OLFM1: variants seen among roughly 807,000 people sequenced by gnomAD.
The protein encoded by OLFM1 is noelin.
Under a neutral mutation model 49.7 loss-of-function variants are expected in OLFM1, and 9 were observed. The ratio of observed to expected loss-of-function variants is 0.18; its 90% CI spans 0.11 to 0.32. OLFM1 has a LOEUF of 0.32. OLFM1 is among the 10% of genes least tolerant of loss of function. The probability of loss-of-function intolerance (pLI) is 1.00; values close to 1 mark genes in which losing one functional copy is unlikely to be tolerated. For missense variants in OLFM1, 369 were observed against 661.8 expected (o/e 0.56, Z 4.85); for synonymous variants, 240 against 271.8 (o/e 0.88, Z 1.15).
At chr9:135,077,808 C>T (rs1830487151) in intron 1 of OLFM1, among the ~76,000 whole-genome samples, 1 of 152,258 alleles carries the variant, frequency 6.6e-6, no homozygotes, top group Non-Finnish European at 1.5e-5. Context: ...CTTTCGGAAT[C>T]TTGCATTGGA....
At chr9:135,101,582 C>T (rs1830870527) in intron 4 of OLFM1, among the ~76,000 whole-genome samples, 1 of 152,266 alleles carries the variant, frequency 6.6e-6, no homozygotes, top group African/African-American at 2.4e-5. Flanking sequence ...AACCTCTCCT[C>T]TCGGGCATCC....
chr9:135,102,791 C>T (rs1490840669), intron 4 of OLFM1, among the ~76,000 whole-genome samples: 1 of 152,196 alleles, frequency 6.6e-6, no homozygotes, highest in Non-Finnish European at 1.5e-5. Context: ...GCTCAGAGGA[C>T]AGGCAGCAGG....
chr9:135,078,566 T>C (rs1830496135), intron 1 of OLFM1, among the ~76,000 whole-genome samples: 1 of 152,208 alleles, frequency 6.6e-6, no homozygotes, highest in African/African-American at 2.4e-5. Context: ...CAGAAAGACA[T>C]TTCACATGGT....
At chr9:135,118,020 A>G (rs1354616907) in intron 5 of OLFM1, among the ~76,000 whole-genome samples, 1 of 152,162 alleles carries the variant, frequency 6.6e-6, no homozygotes, top group African/African-American at 2.4e-5. Context: ...TTTGGTTGTG[A>G]CTACTCTTTC....
At position 135,120,695 on chromosome 9, in the gene OLFM1, C is replaced by A; in HGVS notation, c.*517C>A. Reference sequence around the variant, plus strand: ...ACCGTGCTGAGGCTCCACATAGCTCCTGGACCTGTGTCTAGTACATACTGA... The same window carrying A: ...ACCGTGCTGAGGCTCCACATAGCTCATGGACCTGTGTCTAGTACATACTGA... On this transcript the variant is annotated 3_prime_UTR_variant, in exon 6 of 6. Coordinates refer to ENST00000371793, the MANE Select transcript of OLFM1 (RefSeq NM_001282611.2). 5.9e-6 allele frequency: 1 copy of A among 168,782 alleles called. No homozygotes were observed. The highest frequency in any genetic ancestry group is 1.3e-5 in the Non-Finnish European group (1 of 78,238). 10.5% of individuals were successfully genotyped at this position (168,782 alleles called of 1,614,324 possible). A position where few individuals can be genotyped will look rare whatever the true frequency, so the allele number is the denominator to read the frequency against.
chr9:135,095,366 G>A (rs1830774303), intron 2 of OLFM1: 1 of 153,406 alleles, frequency 6.5e-6, no homozygotes, highest in Admixed American at 6.5e-5. Flanking sequence ...TTATCAGCAA[G>A]ACAGTCAATG....
chr9:135,075,663 CCGCGTCCACG>C, exon 1 of OLFM1: 1 of 1,438,086 alleles, frequency 7.0e-7, no homozygotes, highest in South Asian at 1.2e-5. Flanking sequence ...CGGAGCGCGT[CCGCGTCCACG>C]CAGCCGCCGG....
In OLFM1 at chr9:135,098,579, G is replaced by A. The variant is rs1349673929; in HGVS notation, c.676+74G>A. ...CACACGCACAGGCTTAGGGAGTGGT[G>A]CTGAAGTGGACAGCGCCCGCCTGGC... On this transcript the variant is annotated intron_variant, in intron 4 of 5. Transcript: ENST00000371793. The surrounding 1 kb of genome is among the most constrained non-coding windows in gnomAD (Gnocchi z 5.6). The A allele has an allele frequency of 1.5e-5, 21 of 1,394,762 alleles. No individual in the cohort carries two copies. Among genetic ancestry groups the A allele is most frequent in the Non-Finnish European group, 1.9e-5 (19 of 991,982 alleles). 86.4% of individuals were successfully genotyped at this position (1,394,762 alleles called of 1,614,324 possible).
intron 5 of OLFM1, among the ~76,000 whole-genome samples, chr9:135,115,053 C>T (rs1178653498): frequency 6.6e-6 from 1 of 152,216 alleles, no homozygotes; most frequent in Non-Finnish European, 1.5e-5. Context: ...CTATTTGGGA[C>T]AATTTCCCCG....
intron 5 of OLFM1, among the ~76,000 whole-genome samples, chr9:135,111,850 C>T (rs1180229932): frequency 6.6e-6 from 1 of 152,042 alleles, no homozygotes; most frequent in Non-Finnish European, 1.5e-5. Flanking sequence ...GCTGGGATTA[C>T]AGGCGCATGC....
rs1467254475 is a variant in OLFM1 at position 135,080,869 on chromosome 9, C to A, written c.96+5067C>A. Reference sequence around the variant, plus strand: ...AACCTCAGCGCTGTCCCGACTGGCACCGCAGGGCGACCGAAGGGAGGGGAA... The same window carrying A: ...AACCTCAGCGCTGTCCCGACTGGCAACGCAGGGCGACCGAAGGGAGGGGAA... On this transcript the variant is annotated intron_variant, in intron 1 of 5. Transcript: ENST00000252854. This position sits in a 1 kb window ranked among gnomAD's most constrained non-coding sequence, Gnocchi z 4.5. 6.6e-6 allele frequency among the ~76,000 whole-genome samples: 1 copy of A among 152,012 alleles called. No homozygotes were observed. The highest frequency in any genetic ancestry group is 1.5e-5 in the Non-Finnish European group (1 of 68,032).
intron 5 of OLFM1, among the ~76,000 whole-genome samples, chr9:135,111,549 A>AG (rs1306703469): frequency 6.6e-6 from 1 of 151,912 alleles, no homozygotes; most frequent in East Asian, 1.9e-4. Context: ...GCCTGTGCTG[A>AG]GGGTGGGTGT....
chr9:135,103,085 A>G (rs1830892885), intron 4 of OLFM1, among the ~76,000 whole-genome samples: 1 of 152,194 alleles, frequency 6.6e-6, no homozygotes, highest in Non-Finnish European at 1.5e-5. Context: ...CTGCCCCTCC[A>G]GCTGAGCATG....
At chr9:135,085,453 C>A (rs1425587871), upstream of OLFM1, among the ~76,000 whole-genome samples, 1 of 152,244 alleles carries the variant, frequency 6.6e-6, no homozygotes, top group Non-Finnish European at 1.5e-5. Context: ...CAGGTCTTAT[C>A]ATCTTTCTAG....
upstream of OLFM1, among the ~76,000 whole-genome samples, chr9:135,085,269 C>T (rs906034201): frequency 1.3e-5 from 2 of 152,200 alleles, no homozygotes; most frequent in Admixed American, 6.5e-5. Flanking sequence ...TGTCTTCTGG[C>T]GGCCTCTGTG....
chr9:135,105,746 G>A (rs1250601499), intron 4 of OLFM1: 4 of 152,322 alleles, frequency 2.6e-5, no homozygotes, highest in African/African-American at 9.6e-5. Flanking sequence ...TTGGCCGGGA[G>A]GGACAGGGCA....
chr9:135,096,406 A>C (rs1043345116), intron 3 of OLFM1, among the ~76,000 whole-genome samples: 15 of 150,064 alleles, frequency 1.0e-4, no homozygotes, highest in African/African-American at 2.7e-4. Flanking sequence ...CCCTTTCCCT[A>C]CAGAAATGGT....
At chr9:135,095,340 A>T (rs1274662559) in intron 2 of OLFM1, 3 of 153,026 alleles carry the variant, frequency 2.0e-5, no homozygotes, top group African/African-American at 7.2e-5. Context: ...TTCACTCTGC[A>T]CTTAAGTAAT....
At chr9:135,091,691 A>ACACACAGTCTCACACAGT (rs1554752845) in intron 2 of OLFM1, among the ~76,000 whole-genome samples, 5 of 87,434 alleles carry the variant, frequency 5.7e-5, no homozygotes, top group African/African-American at 1.2e-4. Flanking sequence ...ATAGTCTCAC[A>ACACACAGTCTCACACAGT]CACACACAGT....
Sources: allele counts gnomAD v4.1 joint callset (sites outside exome capture counted in the v4.1 genomes callset), GRCh38; gene constraint gnomAD v4.1.1; non-coding constraint Gnocchi (gnomAD v3.1); transcripts MANE v1.5; gene names NCBI Gene and HGNC (gene_info 2026-07-23, HGNC 2026-07-21).